The following ASB5 variants were observed in gnomAD, a reference collection of about 807,000 sequenced individuals.
ASB5 encodes the protein ankyrin repeat and SOCS box protein 5.
Under a neutral mutation model 42.1 loss-of-function variants are expected in ASB5, and 45 were observed. The ratio of observed to expected loss-of-function variants is 1.07; its 90% confidence interval spans 0.84 to 1.37. The LOEUF is 1.37. ASB5 is among the 40% of genes most tolerant of loss of function. The probability of loss-of-function intolerance (pLI) is 0.00; values close to 1 mark genes in which losing one functional copy is unlikely to be tolerated. For missense variants in ASB5, 402 were observed against 399.8 expected (o/e 1.01, Z -0.05); for synonymous variants, 147 against 150.6 (o/e 0.98, Z 0.18).
rs1752926586 is a variant in ASB5, at chr4:176,214,986, C to T, written c.*614G>A. On this transcript the variant is annotated 3_prime_UTR_variant, in exon 7 of 7. Transcript: ENST00000296525. ...TCCTATCACTTTTCTGTAACAAGTC[C>T]ATGTACTATGGAGAAGAGAAGTGAC... is the stretch of plus-strand genomic sequence containing the variant. The T allele has an allele frequency of 7.0e-6, 1 of 143,040 alleles. No homozygotes were observed. The highest frequency in any genetic ancestry group is 1.5e-5 in the Non-Finnish European group (1 of 67,280). The allele number at this position is 143,040 out of a possible 1,614,324, so 8.9% of individuals were successfully genotyped here. A position where few individuals can be genotyped will look rare whatever the true frequency, so the allele number is the denominator to read the frequency against.
At chr4:176,243,850 C>G (rs184966055) in intron 1 of ASB5, among the ~76,000 whole-genome samples, 2 of 152,096 alleles carry the variant, frequency 1.3e-5, no homozygotes, top group Admixed American at 1.3e-4. Flanking sequence ...ATAGCAACAG[C>G]GCTTTAAGTT....
chr4:176,238,970 C>T (rs1370082274), intron 1 of ASB5, among the ~76,000 whole-genome samples: 1 of 152,174 alleles, frequency 6.6e-6, no homozygotes, highest in Non-Finnish European at 1.5e-5. Context: ...AAATGAGGAG[C>T]TTGGATAAGA....
At chr4:176,247,983 T>C (rs551660072) in intron 1 of ASB5, among the ~76,000 whole-genome samples, 4 of 152,278 alleles carry the variant, frequency 2.6e-5, no homozygotes, top group African/African-American at 9.6e-5. Flanking sequence ...CCTGATAGAA[T>C]AGAAGGCAAA....
intron 1 of ASB5, among the ~76,000 whole-genome samples, chr4:176,268,461 T>C (rs1754402746): frequency 6.6e-6 from 1 of 152,118 alleles, no homozygotes; most frequent in Admixed American, 6.5e-5. Flanking sequence ...AATCTTGAAA[T>C]CCCCTCTTTT....
Position 176,213,855 on chromosome 4 carries a change from A to T in ASB5, c.*1745T>A, listed in dbSNP as rs1315679822. ...TACTTCTCTTATTGGCACAAGACTA[A>T]TAAGATAGATGGGTTGTATTACTCT... On this transcript the variant is annotated 3_prime_UTR_variant, in exon 7 of 7. Transcript: ENST00000296525. 2 of 152,116 alleles carry T rather than the reference A, an allele frequency of 1.3e-5. No homozygotes were observed. The highest frequency in any genetic ancestry group is 2.9e-5 in the Non-Finnish European group (2 of 67,966). The allele number at this position is 152,116 out of a possible 1,614,324, so 9.4% of individuals were successfully genotyped here.
intron 1 of ASB5, chr4:176,237,619 G>A (rs764405483): frequency 1.1e-4 from 106 of 966,462 alleles, no homozygotes; most frequent in Non-Finnish European, 5.4e-5. Context: ...TAGGTGCAAT[G>A]TGGAGGATGG....
At chr4:176,237,313 C>G in intron 1 of ASB5, 4 of 985,864 alleles carry the variant, frequency 4.1e-6, no homozygotes, top group Non-Finnish European at 4.8e-6. Flanking sequence ...TCAGAATACC[C>G]CAGCTAGCTT....
At position 176,214,390 on chromosome 4, in the gene ASB5, C is replaced by A. The variant is rs1399412124; in HGVS notation, c.*1210G>T. ...TCTTATTTCTAAAATCATAATAGGCCCTGAATTACAAAACAGGCATAAAAT... is the reference window on the plus strand; with the variant it reads ...TCTTATTTCTAAAATCATAATAGGCACTGAATTACAAAACAGGCATAAAAT... On this transcript the variant is annotated 3_prime_UTR_variant, in exon 7 of 7. Coordinates refer to ENST00000296525, the MANE Select transcript of ASB5 (RefSeq NM_080874.4). 2 of 151,840 alleles carry A rather than the reference C, an allele frequency of 1.3e-5. No individual in the cohort carries two copies. The highest frequency in any genetic ancestry group is 4.8e-5 in the African/African-American group (2 of 41,338). 9.4% of individuals were successfully genotyped at this position (151,840 alleles called of 1,614,324 possible). A position where few individuals can be genotyped will look rare whatever the true frequency, so the allele number is the denominator to read the frequency against.
At chr4:176,271,293 A>C (rs1224142808), upstream of ASB5, among the ~76,000 whole-genome samples, 3 of 152,198 alleles carry the variant, frequency 2.0e-5, no homozygotes, top group Admixed American at 6.6e-5. Flanking sequence ...CGAATTCTTC[A>C]AGTGGAAATT....
chr4:176,248,823 G>A (rs1350201169), intron 1 of ASB5, among the ~76,000 whole-genome samples: 1 of 152,110 alleles, frequency 6.6e-6, no homozygotes, highest in Non-Finnish European at 1.5e-5. Context: ...CTAAAGAAAG[G>A]CAAGAAAATG....
At chr4:176,252,310 T>C (rs534209829) in intron 1 of ASB5, among the ~76,000 whole-genome samples, 1 of 152,260 alleles carries the variant, frequency 6.6e-6, no homozygotes, top group East Asian at 1.9e-4. Context: ...AGAATCAATA[T>C]CCATTAACAC....
chr4:176,271,412 C>G (rs1754466659), upstream of ASB5, among the ~76,000 whole-genome samples: 1 of 152,108 alleles, frequency 6.6e-6, no homozygotes, highest in African/African-American at 2.4e-5. Flanking sequence ...ATCTATTTTC[C>G]TGGCATTTTC....
chr4:176,264,585 A>T (rs1384044174), intron 1 of ASB5, among the ~76,000 whole-genome samples: 1 of 152,190 alleles, frequency 6.6e-6, no homozygotes, highest in Non-Finnish European at 1.5e-5. Context: ...TAACTCCATT[A>T]CTTCCTGATT....
intron 1 of ASB5, among the ~76,000 whole-genome samples, chr4:176,238,527 G>A (rs1273556946): frequency 6.6e-6 from 1 of 152,172 alleles, no homozygotes; most frequent in Non-Finnish European, 1.5e-5. Flanking sequence ...GTCTATGATG[G>A]AATCAAGAGC....
exon 1 of ASB5, chr4:176,277,383 T>G (rs1237824630): frequency 6.6e-6 from 1 of 152,232 alleles, no homozygotes; most frequent in Non-Finnish European, 1.5e-5. Flanking sequence ...GTGAGGACTG[T>G]GCTGTCATAG....
At chr4:176,262,873 C>T (rs753056463) in intron 1 of ASB5, among the ~76,000 whole-genome samples, 4 of 152,186 alleles carry the variant, frequency 2.6e-5, no homozygotes, top group Non-Finnish European at 4.4e-5. Flanking sequence ...CCCTCCTAAA[C>T]TATCACCACC....
Position 176,231,083 on chromosome 4 carries a change from T to A in ASB5, c.197-5742A>T, listed in dbSNP as rs140911286. Among the ~76,000 whole-genome samples the A allele has an allele frequency of 7.7e-3, 1,173 of 152,330 alleles. 12 individuals carry two copies. Among genetic ancestry groups the A allele is most frequent in the African/African-American group, 0.027 (1,103 of 41,574 alleles). ...TAATTTACAGGGAGAGAGCCTGCCC[T>A]GTTTTGTAAACACCACATTGCTAGA... On this transcript the variant is annotated intron_variant, in intron 1 of 6. Transcript: ENST00000296525.
At chr4:176,260,113 T>C (rs1754229319) in intron 1 of ASB5, among the ~76,000 whole-genome samples, 1 of 152,246 alleles carries the variant, frequency 6.6e-6, no homozygotes, top group Admixed American at 6.5e-5. Flanking sequence ...AGTCTAGTTT[T>C]AAATATTATT....
At chr4:176,239,637 G>A (rs1366930544) in intron 1 of ASB5, among the ~76,000 whole-genome samples, 1 of 152,094 alleles carries the variant, frequency 6.6e-6, no homozygotes, top group Non-Finnish European at 1.5e-5. Flanking sequence ...TTAAGCCGTG[G>A]GCACTAAAAG....
Sources: gnomAD v4.1 joint callset for allele counts (sites outside exome capture counted in the v4.1 genomes callset) on GRCh38, gnomAD v4.1.1 for gene constraint, MANE v1.5 for transcripts, NCBI Gene and HGNC (gene_info 2026-07-23, HGNC 2026-07-21) for gene names.